Variants in AFG1L observed in about 807,000 individuals in gnomAD.
AFG1L encodes the protein AFG1-like ATPase.
AFG1L carries 53 observed loss-of-function variants against 62.2 expected under a neutral mutation model. That is an observed-to-expected ratio of 0.85 (90% CI 0.68 to 1.07). The LOEUF is 1.07. AFG1L is among the 50% of genes least tolerant of loss of function. The pLI is 0.00. For missense variants in AFG1L, 555 were observed against 590.5 expected, an observed-to-expected ratio of 0.94 and a Z score of 0.62; for synonymous variants, 228 against 210.3, an observed-to-expected ratio of 1.08 and a Z score of -0.73.
intron 7 of AFG1L, among the ~76,000 whole-genome samples, chr6:108,432,923 A>G (rs1481591239): frequency 6.6e-6 from 1 of 152,218 alleles, no homozygotes; most frequent in Non-Finnish European, 1.5e-5. Context: ...GCATTGGTTC[A>G]GGAAATTCAC....
intron 2 of AFG1L, among the ~76,000 whole-genome samples, chr6:108,332,336 C>CTAT (rs1218293484): frequency 1.3e-5 from 2 of 152,140 alleles, no homozygotes; most frequent in Non-Finnish European, 2.9e-5. Flanking sequence ...TCAACAGGAA[C>CTAT]TATTCACTAT....
Position 108,323,825 on chromosome 6 carries a change from C to T in AFG1L, c.140C>T (p.Ala47Val), listed in dbSNP as rs1777916179. 2 of 1,609,490 alleles carry T rather than the reference C, an allele frequency of 1.2e-6. No individual in the cohort carries two copies. Among genetic ancestry groups the T allele is most frequent in the Non-Finnish European group, 1.7e-6 (2 of 1,175,896 alleles). ...ATAPGKPFWK[A>V]YTVQTSESMT... Reference sequence around the variant, plus strand: ...TAAAATTTTATGTTTTTGTTTATAGCCTATACGGTTCAGACATCCGAGAGC... The same window carrying T: ...TAAAATTTTATGTTTTTGTTTATAGTCTATACGGTTCAGACATCCGAGAGC... The change falls in exon 2 of 13, where the codon GCC (alanine) becomes GTC (valine). Residue 47 changes from alanine to valine, a missense_variant and splice_region_variant. Ala to Val is a moderately conservative substitution (Grantham distance 64, BLOSUM62 0). Coordinates refer to ENST00000368977, the MANE Select transcript of AFG1L (RefSeq NM_145315.5).
chr6:108,330,124 G>A (rs765220490), intron 2 of AFG1L, among the ~76,000 whole-genome samples: 2 of 152,012 alleles, frequency 1.3e-5, no homozygotes, highest in Admixed American at 1.3e-4. Context: ...CACTAGGTGG[G>A]GTCCCTCAAA....
At chr6:108,493,494 T>C (rs1412509635) in intron 10 of AFG1L, among the ~76,000 whole-genome samples, 2 of 152,180 alleles carry the variant, frequency 1.3e-5, no homozygotes, top group African/African-American at 4.8e-5. Context: ...TCTAGAAATA[T>C]GGAGGGTCTT....
intron 6 of AFG1L, among the ~76,000 whole-genome samples, chr6:108,384,311 T>C (rs188167112): frequency 6.8e-4 from 103 of 152,282 alleles, no homozygotes; most frequent in African/African-American, 2.3e-3. Context: ...TAGATTGGTA[T>C]AGCCTGAGGT....
chr6:108,392,869 A>G (rs780905170), intron 6 of AFG1L, among the ~76,000 whole-genome samples: 2 of 152,124 alleles, frequency 1.3e-5, no homozygotes, highest in Non-Finnish European at 2.9e-5. Context: ...ATATATATAA[A>G]TAAGCATTAT....
At chr6:108,479,341 T>TG (rs112964296) in intron 10 of AFG1L, among the ~76,000 whole-genome samples, 28 of 148,358 alleles carry the variant, frequency 1.9e-4, no homozygotes, top group African/African-American at 6.5e-4. Flanking sequence ...ATTTGTTGAT[T>TG]TTTTTTTTCT....
At chr6:108,315,335 A>G (rs1777551914) in intron 1 of AFG1L, among the ~76,000 whole-genome samples, 1 of 152,068 alleles carries the variant, frequency 6.6e-6, no homozygotes, top group Non-Finnish European at 1.5e-5. Flanking sequence ...TGTTATTGAT[A>G]TTTCTCATGG....
At chr6:108,423,428 GA>G (rs956693503) in intron 7 of AFG1L, among the ~76,000 whole-genome samples, 2 of 152,068 alleles carry the variant, frequency 1.3e-5, no homozygotes, top group Non-Finnish European at 2.9e-5. Flanking sequence ...ATCTGAGCAT[GA>G]AGACACAAAC....
chr6:108,407,677 C>T (rs1292389754), intron 7 of AFG1L, among the ~76,000 whole-genome samples: 2 of 137,594 alleles, frequency 1.5e-5, no homozygotes, highest in South Asian at 2.5e-4. Flanking sequence ...AAAGCAATAC[C>T]CTGTCTCTGG....
chr6:108,482,572 CT>C (rs1376638264), intron 10 of AFG1L, among the ~76,000 whole-genome samples: 2 of 152,018 alleles, frequency 1.3e-5, no homozygotes. Context: ...ACCTAATGTC[CT>C]TTTTCTGTTC....
At chr6:108,450,428 CG>C (rs1348701639) in intron 8 of AFG1L, among the ~76,000 whole-genome samples, 5 of 152,204 alleles carry the variant, frequency 3.3e-5, no homozygotes, top group African/African-American at 1.2e-4. Flanking sequence ...TCATATCCTT[CG>C]CCCACTTGTT....
At position 108,523,035 on chromosome 6, in the gene AFG1L, A is replaced by T. The variant is rs1775183304; in HGVS notation, c.*610A>T. On this transcript the variant is annotated 3_prime_UTR_variant, in exon 13 of 13. Transcript: ENST00000368977. ...AGGCAGGACTTGATCTCAAGTGGTC[A>T]CAAAGTTTTCTAAAAAAAAATAGAA... 6.6e-6 allele frequency: 1 copy of T among 152,108 alleles called. No individual in the cohort carries two copies. Among genetic ancestry groups the T allele is most frequent in the Admixed American group, 6.5e-5 (1 of 15,270 alleles). 9.4% of individuals were successfully genotyped at this position (152,108 alleles called of 1,614,324 possible). A position where few individuals can be genotyped will look rare whatever the true frequency, so the allele number is the denominator to read the frequency against.
intron 7 of AFG1L, among the ~76,000 whole-genome samples, chr6:108,439,109 G>A (rs1397964738): frequency 6.6e-6 from 1 of 152,124 alleles, no homozygotes; most frequent in Non-Finnish European, 1.5e-5. Context: ...ACTGACATCT[G>A]GAGAGGTTAC....
chr6:108,307,339 A>G (rs1415605633), intron 1 of AFG1L, among the ~76,000 whole-genome samples: 1 of 152,170 alleles, frequency 6.6e-6, no homozygotes, highest in African/African-American at 2.4e-5. Flanking sequence ...TAATTATAAA[A>G]ATACTACATC....
intron 11 of AFG1L, among the ~76,000 whole-genome samples, chr6:108,512,289 C>A (rs1330980684): frequency 6.6e-6 from 1 of 152,190 alleles, no homozygotes; most frequent in Non-Finnish European, 1.5e-5. Context: ...TGAAAGGCAG[C>A]AAGTGTGGCT....
At chr6:108,396,485 T>TTTTTG (rs1017675682) in intron 6 of AFG1L, among the ~76,000 whole-genome samples, 49 of 152,252 alleles carry the variant, frequency 3.2e-4, no homozygotes, top group African/African-American at 1.1e-3. Flanking sequence ...ATATATCTTT[T>TTTTTG]TTTTGTTTTG....
Position 108,399,174 on chromosome 6 carries a change from G to GTTTTTTTTTTTTTTT in AFG1L, c.749-2819_749-2818insTTTTTTTTTTTTTTT, listed in dbSNP as rs1424528059. 5.8e-5 allele frequency among the ~76,000 whole-genome samples: 3 copies of GTTTTTTTTTTTTTTT among 51,414 alleles called. 1 individual carries two copies. The highest frequency in any genetic ancestry group is 3.7e-5 in the Non-Finnish European group (1 of 27,070). The allele number at this position is 51,414 out of a possible 152,430, so 33.7% of individuals were successfully genotyped here. ...ATTGCAAAGATCTGTCACTTCTTTT[G>GTTTTTTTTTTTTTTT]TTTGTTTTTTTTTTTTTTTTTTTTT... On this transcript the variant is annotated intron_variant, in intron 6 of 12. Coordinates refer to ENST00000368977, the MANE Select transcript of AFG1L (RefSeq NM_145315.5).
intron 7 of AFG1L, among the ~76,000 whole-genome samples, chr6:108,422,431 T>C (rs1416283777): frequency 7.5e-6 from 1 of 132,846 alleles, no homozygotes; most frequent in East Asian, 2.1e-4. Context: ...AGTTGAATTA[T>C]GTTCACTTTG....
Sources: gnomAD v4.1 joint callset for allele counts (sites outside exome capture counted in the v4.1 genomes callset) on GRCh38, gnomAD v4.1.1 for gene constraint, MANE v1.5 for transcripts, NCBI Gene and HGNC (gene_info 2026-07-23, HGNC 2026-07-21) for gene names.